Variants in PSPC1 observed in about 807,000 individuals in gnomAD.
The protein encoded by PSPC1 is paraspeckle component 1, also known as paraspeckle protein 1.
A neutral mutation model predicts 51.6 loss-of-function variants in PSPC1; 14 were observed. The ratio of observed to expected loss-of-function variants is 0.27; its 90% CI spans 0.18 to 0.42. The LOEUF (loss-of-function observed/expected upper bound fraction) is 0.42, where lower values mean the gene tolerates loss of function less well. Among genes scored for constraint, PSPC1 ranks in the 10% least tolerant of loss-of-function variants. The pLI, the probability that PSPC1 is intolerant of heterozygous loss-of-function variation, is 1.00. For synonymous variants in PSPC1, 193 were observed against 231.9 expected (o/e 0.83, Z 1.53); for missense variants, 406 against 701.1 (o/e 0.58, Z 4.75).
chr13:19,775,268 C>G (rs1048892823), intron 1 of PSPC1, among the ~76,000 whole-genome samples: 1 of 152,022 alleles, frequency 6.6e-6, no homozygotes, highest in Non-Finnish European at 1.5e-5. Flanking sequence ...AGGAGAATTG[C>G]TTGAACCCGT....
chr13:19,756,688 CG>C (rs1234619845), intron 3 of PSPC1, among the ~76,000 whole-genome samples: 2 of 151,592 alleles, frequency 1.3e-5, no homozygotes, highest in Non-Finnish European at 2.9e-5. Context: ...TTAGTAGAGA[CG>C]GGGGTTTCAC....
chr13:19,751,546 A>G, intron 3 of PSPC1, 79 bp from the exon 4 acceptor site: 2 of 1,047,672 alleles, frequency 1.9e-6, no homozygotes, highest in South Asian at 4.4e-5. Flanking sequence ...AGCACTTACA[A>G]TGTCCAAGAC....
chr13:19,690,789 A>T (rs1878450465), intron 6 of PSPC1, among the ~76,000 whole-genome samples: 1 of 152,158 alleles, frequency 6.6e-6, no homozygotes, highest in Non-Finnish European at 1.5e-5. Context: ...CTATCTATCC[A>T]TTCCAACTTT....
At chr13:19,768,386 G>A (rs948468167) in intron 2 of PSPC1, among the ~76,000 whole-genome samples, 12 of 151,790 alleles carry the variant, frequency 7.9e-5, no homozygotes, top group Non-Finnish European at 1.5e-4. Flanking sequence ...GGTGGCTCAC[G>A]CCTGTAATCC....
chr13:19,689,465 C>G (rs530340484), intron 6 of PSPC1, among the ~76,000 whole-genome samples: 1 of 152,168 alleles, frequency 6.6e-6, no homozygotes, highest in Non-Finnish European at 1.5e-5. Context: ...GTACTTAAGA[C>G]TATATATACT....
intron 5 of PSPC1, among the ~76,000 whole-genome samples, chr13:19,740,864 C>G (rs1885368708): frequency 6.6e-6 from 1 of 151,496 alleles, no homozygotes. Flanking sequence ...AACACGGAGT[C>G]AACTTCCAGA....
intron 1 of PSPC1, among the ~76,000 whole-genome samples, chr13:19,775,942 T>G (rs1889073216): frequency 6.6e-6 from 1 of 151,692 alleles, no homozygotes; most frequent in Non-Finnish European, 1.5e-5. Context: ...TCCCAGCTGC[T>G]GGGGAGGCTG....
intron 5 of PSPC1, among the ~76,000 whole-genome samples, chr13:19,733,129 T>C (rs775990980): frequency 1.3e-5 from 2 of 152,124 alleles, no homozygotes; most frequent in Admixed American, 6.5e-5. Flanking sequence ...CAGATATATA[T>C]TGTGGCATTA....
At chr13:19,677,000 C>T (rs747414976) in intron 7 of PSPC1, among the ~76,000 whole-genome samples, 7 of 152,040 alleles carry the variant, frequency 4.6e-5, no homozygotes, top group Non-Finnish European at 1.0e-4. Flanking sequence ...TTTGGGAGGC[C>T]GAGGCGGGTG....
At chr13:19,721,275 C>A (rs1402525741) in intron 6 of PSPC1, among the ~76,000 whole-genome samples, 3 of 152,070 alleles carry the variant, frequency 2.0e-5, no homozygotes, top group African/African-American at 4.8e-5. Context: ...CTAATTCAAA[C>A]TAATAATTAA....
chr13:19,710,855 T>C lies in PSPC1; in HGVS notation c.1159-1256A>G, dbSNP rs67896347. On this transcript the variant is annotated intron_variant, in intron 6 of 8. Transcript: ENST00000338910. The stretch of plus-strand genomic sequence containing the variant: ...CTAAAAAGCTTAATTTTTTTTTTTT[T>C]CCCAGAGATCCTCGCTCTGTTGCCC... 9.7e-4 allele frequency among the ~76,000 whole-genome samples: 136 copies of C among 140,222 alleles called. 1 individual carries two copies. Among genetic ancestry groups the C allele is most frequent in the African/African-American group, 2.7e-3 (108 of 39,498 alleles). The allele number at this position is 140,222 out of a possible 152,430, so 92.0% of individuals were successfully genotyped here. A position where few individuals can be genotyped will look rare whatever the true frequency, so the allele number is the denominator to read the frequency against.
At chr13:19,753,236 T>C (rs1325136268) in intron 3 of PSPC1, among the ~76,000 whole-genome samples, 9 of 149,904 alleles carry the variant, frequency 6.0e-5, no homozygotes, top group Non-Finnish European at 7.4e-5. Context: ...TGAGCCGAGA[T>C]TGTGCCACTG....
chr13:19,735,185 G>A (rs553334071), intron 5 of PSPC1, among the ~76,000 whole-genome samples: 18 of 151,424 alleles, frequency 1.2e-4, no homozygotes, highest in Non-Finnish European at 1.9e-4. Flanking sequence ...GGTGGTGGGC[G>A]CCTATAATCC....
intron 5 of PSPC1, among the ~76,000 whole-genome samples, chr13:19,736,105 C>G (rs1488770076): frequency 6.6e-6 from 1 of 152,010 alleles, no homozygotes; most frequent in African/African-American, 2.4e-5. Context: ...CAGGCATGAG[C>G]CACCGCGCCC....
downstream of PSPC1, among the ~76,000 whole-genome samples, chr13:19,702,244 A>C (rs1880001926): frequency 6.6e-6 from 1 of 152,182 alleles, no homozygotes; most frequent in African/African-American, 2.4e-5. Context: ...TATTTACAAC[A>C]CTGCAGAGTC....
intron 7 of PSPC1, among the ~76,000 whole-genome samples, chr13:19,707,338 A>C (rs953396733): frequency 6.6e-6 from 1 of 152,206 alleles, no homozygotes; most frequent in African/African-American, 2.4e-5. Flanking sequence ...CATAGCTATA[A>C]ATAAATTTAA....
intron 6 of PSPC1, among the ~76,000 whole-genome samples, chr13:19,726,482 C>CA (rs1219820567): frequency 1.4e-4 from 22 of 152,130 alleles, no homozygotes; most frequent in Admixed American, 1.0e-3. Context: ...CTGGATTTAG[C>CA]AAAAAAATGT....
intron 2 of PSPC1, among the ~76,000 whole-genome samples, chr13:19,763,120 CA>C (rs1887744067): frequency 6.6e-6 from 1 of 151,528 alleles, no homozygotes; most frequent in Non-Finnish European, 1.5e-5. Context: ...AAAAAAAACT[CA>C]ACTTAAATTC....
intron 6 of PSPC1, among the ~76,000 whole-genome samples, chr13:19,683,721 T>A (rs193179388): frequency 6.6e-6 from 1 of 152,160 alleles, no homozygotes; most frequent in Non-Finnish European, 1.5e-5. Context: ...TGTTCAGATA[T>A]AGGAATCATT....
Sources: gnomAD v4.1 joint callset for allele counts (sites outside exome capture counted in the v4.1 genomes callset) on GRCh38, gnomAD v4.1.1 for gene constraint, MANE v1.5 for transcripts, NCBI Gene and HGNC (gene_info 2026-07-23, HGNC 2026-07-21) for gene names.